BCO1: variants seen among roughly 807,000 people sequenced by gnomAD.
BCO1 encodes the protein beta-carotene oxygenase 1, also known as beta,beta-carotene 15,15'-dioxygenase.
In BCO1, 54 loss-of-function variants were observed where a neutral mutation model predicts 56.3. The observed-to-expected ratio is 0.96, with a 90% confidence interval of 0.77 to 1.20. The LOEUF is 1.20. BCO1 is among the 50% of genes most tolerant of loss of function. BCO1 has a pLI of 0.00. For missense variants in BCO1, 801 were observed against 690.9 expected (o/e 1.16, Z -1.79); for synonymous variants, 318 against 266.1 (o/e 1.20, Z -1.90).
At chr16:81,244,961 G>T (rs62054702) in intron 1 of BCO1, among the ~76,000 whole-genome samples, 1 of 151,586 alleles carries the variant, frequency 6.6e-6, no homozygotes, top group South Asian at 2.1e-4. Context: ...TACAATCTCG[G>T]CTCGCTGCAA....
At position 81,278,828 on chromosome 16, in the gene BCO1, C is replaced by G. The variant is rs146321433; in HGVS notation, c.1102-2029C>G. On this transcript the variant is annotated intron_variant, in intron 7 of 10. Coordinates refer to ENST00000258168, the MANE Select transcript of BCO1 (RefSeq NM_017429.3). ...TCTCCATGTGACTTTGGACCAGTCC[C>G]TTTCCTTCTCTAGGCCTCAGTTACT... Among the ~76,000 whole-genome samples the G allele has an allele frequency of 5.9e-5, 9 of 152,328 alleles. No homozygotes were observed. In the East Asian group the frequency reaches 1.7e-3, roughly 29 times the overall value.
chr16:81,243,982 A>G (rs767533646), intron 1 of BCO1, among the ~76,000 whole-genome samples: 6 of 152,248 alleles, frequency 3.9e-5, no homozygotes, highest in Non-Finnish European at 7.3e-5. Context: ...CGTGATCCCA[A>G]CTGAGGGCAA....
At position 81,280,988 on chromosome 16, in the gene BCO1, T is replaced by A. The variant is rs534053032; in HGVS notation, c.1207+26T>A. The A allele has an allele frequency of 3.3e-5, 51 of 1,556,688 alleles. 1 individual carries two copies. The South Asian group carries it at 5.0e-4, about 15-fold the overall frequency. ...GTAAAATGCATCCTCTTGTCCTGAGTTTAGGAAAGGGGCAGATTTTCACAG... is the reference window on the plus strand; with the variant it reads ...GTAAAATGCATCCTCTTGTCCTGAGATTAGGAAAGGGGCAGATTTTCACAG... On this transcript the variant is annotated intron_variant, in intron 8 of 10. Coordinates refer to ENST00000258168, the MANE Select transcript of BCO1 (RefSeq NM_017429.3).
In BCO1 at chr16:81,290,437, C is replaced by T. The variant is rs772011367; in HGVS notation, c.1504C>T (p.Arg502Cys). The change falls in exon 11 of 11, where the codon CGT becomes TGT. Residue 502 changes from arginine to cysteine, a missense_variant. Physicochemically the swap from Arg to Cys is radical, Grantham distance 180 (BLOSUM62 -3). Transcript: ENST00000258168. ...TGCCAAAAGCTTTACGGAATTGGCC[C>T]GTGCCTCTGTTGATGTCGATATGCA... Reference protein sequence around the residue: ...LDAKSFTELARASVDVDMHMD... With the variant: ...LDAKSFTELACASVDVDMHMD... 2.4e-5 allele frequency: 39 copies of T among 1,614,134 alleles called. No homozygotes were observed. The South Asian group carries it at 3.5e-4, about 15-fold the overall frequency.
Position 81,245,031 on chromosome 16 carries a change from C to T in BCO1, c.65-444C>T, listed in dbSNP as rs372746478. 5.9e-5 allele frequency among the ~76,000 whole-genome samples: 9 copies of T among 152,268 alleles called. No homozygotes were observed. In the East Asian group the frequency reaches 1.5e-3, roughly 26 times the overall value. ...TCAGCCTCCCGAGTAGCTGGGATTA[C>T]AGGCGCTCACTATGACGCCCAGCTA... On this transcript the variant is annotated intron_variant, in intron 1 of 10. Transcript: ENST00000258168.
At chr16:81,278,184 G>A (rs895502158) in intron 7 of BCO1, among the ~76,000 whole-genome samples, 1 of 152,124 alleles carries the variant, frequency 6.6e-6, no homozygotes, top group African/African-American at 2.4e-5. Flanking sequence ...TGGGACTACA[G>A]GCATGTGCTA....
chr16:81,253,230 A>T (rs1905919543), intron 2 of BCO1, among the ~76,000 whole-genome samples: 1 of 152,094 alleles, frequency 6.6e-6, no homozygotes, highest in Non-Finnish European at 1.5e-5. Context: ...AGGTCACCCA[A>T]CCTGGATGAG....
At chr16:81,273,807 G>A (rs1343400360) in intron 7 of BCO1, among the ~76,000 whole-genome samples, 2 of 152,088 alleles carry the variant, frequency 1.3e-5, no homozygotes, top group Non-Finnish European at 2.9e-5. Flanking sequence ...AGAGGGCTGT[G>A]GCTTACCAAG....
intron 7 of BCO1, among the ~76,000 whole-genome samples, chr16:81,272,843 G>A (rs1402590164): frequency 6.6e-6 from 1 of 152,198 alleles, no homozygotes; most frequent in Non-Finnish European, 1.5e-5. Flanking sequence ...AAACGTCCCT[G>A]TAGAAGCCTC....
At position 81,290,262 on chromosome 16, in the gene BCO1, A is replaced by G. The variant is rs1044604920; in HGVS notation, c.1415-86A>G. 2.7e-6 allele frequency: 3 copies of G among 1,127,032 alleles called. No homozygotes were observed. In the African/African-American group the frequency reaches 4.6e-5, roughly 17 times the overall value. 69.8% of individuals were successfully genotyped at this position (1,127,032 alleles called of 1,614,324 possible). Reference sequence around the variant, plus strand: ...GTTTTGGTTAGATACATATGTTTAAAGAGGGCAGAGAGACATGCTGAGAAA... The same window carrying G: ...GTTTTGGTTAGATACATATGTTTAAGGAGGGCAGAGAGACATGCTGAGAAA... On this transcript the variant is annotated intron_variant, in intron 10 of 10. Coordinates refer to ENST00000258168, the MANE Select transcript of BCO1 (RefSeq NM_017429.3).
chr16:81,284,573 G>C (rs1380232899), intron 8 of BCO1, among the ~76,000 whole-genome samples: 1 of 151,870 alleles, frequency 6.6e-6, no homozygotes, highest in Non-Finnish European at 1.5e-5. Context: ...TTTCCATAAT[G>C]TTATTATAGA....
chr16:81,263,690 A>C (rs1482354613), intron 4 of BCO1: 1 of 152,240 alleles, frequency 6.6e-6, no homozygotes, highest in Non-Finnish European at 1.5e-5. Context: ...GGCATTAGGC[A>C]AAAAGCTAGG....
At position 81,263,301 on chromosome 16, in the gene BCO1, G is replaced by A. The variant is rs139157180; in HGVS notation, c.471+1018G>A. 1,495 of 152,100 alleles carry A rather than the reference G, an allele frequency of 9.8e-3. 14 individuals carry two copies. Among genetic ancestry groups the A allele is most frequent in the Middle Eastern group, 0.037 (11 of 294 alleles). The allele number at this position is 152,100 out of a possible 1,614,324, so 9.4% of individuals were successfully genotyped here. On this transcript the variant is annotated intron_variant, in intron 4 of 10. Coordinates refer to ENST00000258168, the MANE Select transcript of BCO1 (RefSeq NM_017429.3). ...AATTTTTTGTATTTTTGGTACAGAT[G>A]GGGTTTCACCGTGTTAGCCAGGCTG... is the stretch of plus-strand genomic sequence containing the variant.
chr16:81,268,099 G>T lies in BCO1; in HGVS notation c.811G>T (p.Ala271Ser). ...CGCATACATCCGGAGAATGAGCTGGGCCTCCTGCCTGGCTTTCCACAGGGA... is the reference window on the plus strand; with the variant it reads ...CGCATACATCCGGAGAATGAGCTGGTCCTCCTGCCTGGCTTTCCACAGGGA... ...ATAYIRRMSW[A>S]SCLAFHREEK... The change falls in exon 6 of 11, where the codon GCC becomes TCC. Residue 271 changes from alanine (A) to serine (S), a missense_variant. Coordinates refer to ENST00000258168, the MANE Select transcript of BCO1 (RefSeq NM_017429.3). The T allele has an allele frequency of 6.2e-7, 1 of 1,610,996 alleles. No individual in the cohort carries two copies.
chr16:81,245,663 T>A, intron 2 of BCO1, 60 bp downstream of exon 2: 1 of 1,604,552 alleles, frequency 6.2e-7, no homozygotes, highest in Non-Finnish European at 8.5e-7. Flanking sequence ...ATGCAGTGCC[T>A]TAAAACAGCA....
chr16:81,261,626 C>A (rs1906484716), intron 3 of BCO1, among the ~76,000 whole-genome samples: 1 of 152,098 alleles, frequency 6.6e-6, no homozygotes, highest in Non-Finnish European at 1.5e-5. Flanking sequence ...GCATTCCGGC[C>A]GACTCATTTC....
chr16:81,265,632 C>A (rs1273721897), intron 5 of BCO1, among the ~76,000 whole-genome samples: 1 of 148,080 alleles, frequency 6.8e-6, no homozygotes, highest in South Asian at 2.2e-4. Context: ...ATCCACCATC[C>A]ATCCATTCAT....
intron 5 of BCO1, among the ~76,000 whole-genome samples, chr16:81,267,325 A>G (rs1222682286): frequency 6.6e-6 from 1 of 151,954 alleles, no homozygotes; most frequent in African/African-American, 2.4e-5. Context: ...TAAAACCCCT[A>G]ATTATGGCCG....
At chr16:81,266,858 T>C (rs1308993084) in intron 5 of BCO1, among the ~76,000 whole-genome samples, 1 of 152,210 alleles carries the variant, frequency 6.6e-6, no homozygotes, top group African/African-American at 2.4e-5. Flanking sequence ...GTTTGCATTG[T>C]GTTCCATTTG....
Sources: gnomAD v4.1 joint callset for allele counts (sites outside exome capture counted in the v4.1 genomes callset) on GRCh38, gnomAD v4.1.1 for gene constraint, MANE v1.5 for transcripts, NCBI Gene and HGNC (gene_info 2026-07-23, HGNC 2026-07-21) for gene names.